PCDHGA9: variants seen among roughly 807,000 people sequenced by gnomAD.
PCDHGA9 encodes the protein protocadherin gamma subfamily A, 9, also known as protocadherin gamma-A9.
PCDHGA9 carries 37 observed loss-of-function variants against 62.5 expected under a neutral mutation model. The observed-to-expected ratio is 0.59, with a 90% confidence interval of 0.46 to 0.78. The LOEUF (loss-of-function observed/expected upper bound fraction) is 0.78. Among genes scored for constraint, PCDHGA9 ranks in the 30% least tolerant of loss-of-function variants. PCDHGA9 has a pLI of 0.00. For missense variants in PCDHGA9, 1,138 were observed against 1,166.2 expected, an observed-to-expected ratio of 0.98 and a Z score of 0.35; for synonymous variants, 459 against 484.6, an observed-to-expected ratio of 0.95 and a Z score of 0.69.
chr5:141,509,292 T>A (rs1407798154), intron 3 of PCDHGA9, among the ~76,000 whole-genome samples: 1 of 152,028 alleles, frequency 6.6e-6, no homozygotes, highest in Non-Finnish European at 1.5e-5. Context: ...GGGTCCAGGG[T>A]GGAGGCAGAG....
intron 1 of PCDHGA9, chr5:141,427,995 G>T (rs1292989797): frequency 6.3e-7 from 1 of 1,599,590 alleles, no homozygotes; most frequent in Non-Finnish European, 8.6e-7. Flanking sequence ...CGATGGCTCC[G>T]CACTCTTCGA....
intron 1 of PCDHGA9, among the ~76,000 whole-genome samples, chr5:141,406,975 C>A (rs1434644612): frequency 6.6e-6 from 1 of 152,108 alleles, no homozygotes; most frequent in African/African-American, 2.4e-5. Flanking sequence ...TAGTAAATAA[C>A]ATTTCACAAG....
At chr5:141,408,373 T>C in intron 1 of PCDHGA9, 1 of 1,613,952 alleles carries the variant, frequency 6.2e-7, no homozygotes, top group Non-Finnish European at 8.5e-7. Flanking sequence ...TAGGGCTCAG[T>C]GTCCTGGATG....
rs764536213 is a variant in PCDHGA9, at chr5:141,405,100, G to A, written c.2148G>A (p.Leu716=). 2 of 1,613,924 alleles carry A rather than the reference G, an allele frequency of 1.2e-6. No individual in the cohort carries two copies. Among genetic ancestry groups the A allele is most frequent in the Non-Finnish European group, 1.7e-6 (2 of 1,179,826 alleles). The change falls in exon 1 of 4, where the codon CTG becomes CTA. Residue 716 remains leucine, a synonymous_variant. Transcript: ENST00000573521. The part of the protein sequence containing the change: ...TFVITLLALR[L]RHWHSSHLLR... ...TTATCACGCTGCTGGCCCTCAGGCT[G>A]AGGCACTGGCACTCCTCGCATCTGC...
intron 1 of PCDHGA9, among the ~76,000 whole-genome samples, chr5:141,488,236 T>A (rs1333427955): frequency 6.6e-6 from 1 of 152,154 alleles, no homozygotes; most frequent in Admixed American, 6.5e-5. Context: ...TTGAACTAGA[T>A]GCGGTAAATT....
chr5:141,435,444 A>G (rs1471113812), intron 1 of PCDHGA9, among the ~76,000 whole-genome samples: 1 of 152,216 alleles, frequency 6.6e-6, no homozygotes, highest in East Asian at 1.9e-4. Flanking sequence ...TTTCATTAAT[A>G]CGATATCTGT....
intron 1 of PCDHGA9, among the ~76,000 whole-genome samples, chr5:141,406,071 C>T (rs2094755708): frequency 7.4e-6 from 1 of 134,244 alleles, no homozygotes; most frequent in East Asian, 2.1e-4. Context: ...AATTCTTACT[C>T]CTTTTTTTTT....
Position 141,403,414 on chromosome 5 carries a change from T to C in PCDHGA9, c.462T>C (p.Leu154=), listed in dbSNP as rs373392812. 8.8e-5 allele frequency: 142 copies of C among 1,613,926 alleles called. No homozygotes were observed. The highest frequency in any genetic ancestry group is 1.6e-4 in the Middle Eastern group (1 of 6,084). Residue 154 remains leucine (L), a synonymous_variant, in exon 1 of 4, where the codon CTT becomes CTC. Coordinates refer to ENST00000573521, the MANE Select transcript of PCDHGA9 (RefSeq NM_018921.3). ...CGGTTCCTGGAGCACGTTATCCACTTCCAGAAGCTATTGATCCGGATGTTG... is the reference window on the plus strand; with the variant it reads ...CGGTTCCTGGAGCACGTTATCCACTCCCAGAAGCTATTGATCCGGATGTTG... ...EIAVPGARYP[L]PEAIDPDVGV... is the part of the protein sequence containing the mutation.
At position 141,485,671 on chromosome 5, in the gene PCDHGA9, G is replaced by T; in HGVS notation, c.2425-9136G>T. On this transcript the variant is annotated intron_variant, in intron 1 of 3. Coordinates refer to ENST00000573521, the MANE Select transcript of PCDHGA9 (RefSeq NM_018921.3). This position sits in a 1 kb window ranked among gnomAD's most constrained non-coding sequence, Gnocchi z 5.7. The stretch of plus-strand genomic sequence containing the variant: ...AGGATGCAGATGTGGGGAGCAATTC[G>T]ATTAGCAGCTATAGGCTGAGCTCCA... 6.2e-7 allele frequency: 1 copy of T among 1,612,860 alleles called. No homozygotes were observed. The highest frequency in any genetic ancestry group is 8.5e-7 in the Non-Finnish European group (1 of 1,179,040).
intron 1 of PCDHGA9, chr5:141,418,230 A>T (rs745395585): frequency 6.2e-7 from 1 of 1,614,058 alleles, no homozygotes; most frequent in Non-Finnish European, 8.5e-7. Context: ...GTGGTGATTG[A>T]GGATGTTAAT....
At chr5:141,468,774 G>A (rs1229480462) in intron 1 of PCDHGA9, among the ~76,000 whole-genome samples, 4 of 152,028 alleles carry the variant, frequency 2.6e-5, no homozygotes, top group Non-Finnish European at 4.4e-5. Flanking sequence ...GCTGAGGCAG[G>A]AGAATGGCGT....
At chr5:141,428,185 G>A (rs775261215) in intron 1 of PCDHGA9, 1 of 1,446,348 alleles carries the variant, frequency 6.9e-7, no homozygotes, top group Admixed American at 1.8e-5. Context: ...GAGGACAGCC[G>A]CCGCTCTCTG....
chr5:141,483,501 G>T (rs1022338958), intron 1 of PCDHGA9, among the ~76,000 whole-genome samples: 1 of 150,394 alleles, frequency 6.6e-6, no homozygotes, highest in Non-Finnish European at 1.5e-5. Flanking sequence ...ATGAGTCAAG[G>T]CTGATCCCCC....
intron 1 of PCDHGA9, among the ~76,000 whole-genome samples, chr5:141,452,988 T>C (rs2098753680): frequency 6.6e-6 from 1 of 152,228 alleles, no homozygotes; most frequent in Admixed American, 6.5e-5. Context: ...AGTACTGTGC[T>C]GAAAAGTTAC....
Position 141,487,171 on chromosome 5 carries a change from G to C in PCDHGA9, c.2425-7636G>C. ...CTGTTACTCTCTTAGTGTCCTTAGA[G>C]GAAGACACTCATCCAGTTGTCCCAG... On this transcript the variant is annotated intron_variant, in intron 1 of 3. Transcript: ENST00000573521. The surrounding 1 kb of genome is among the most constrained non-coding windows in gnomAD (Gnocchi z 5.0). 1 of 1,612,938 alleles carries C rather than the reference G, an allele frequency of 6.2e-7. No individual in the cohort carries two copies. Among genetic ancestry groups the C allele is most frequent in the Non-Finnish European group, 8.5e-7 (1 of 1,178,910 alleles).
intron 1 of PCDHGA9, among the ~76,000 whole-genome samples, chr5:141,464,557 C>A (rs1342964264): frequency 6.6e-6 from 1 of 152,132 alleles, no homozygotes; most frequent in Non-Finnish European, 1.5e-5. Context: ...CCCCATCTTG[C>A]ATTCCTACAA....
At chr5:141,459,315 T>C (rs2154566534) in intron 1 of PCDHGA9, among the ~76,000 whole-genome samples, 1 of 152,362 alleles carries the variant, frequency 6.6e-6, no homozygotes, top group East Asian at 1.9e-4. Context: ...CTATTTTGTA[T>C]CCATCTTCTT....
At chr5:141,501,329 ACACAC>A (rs1562200854) in intron 2 of PCDHGA9, among the ~76,000 whole-genome samples, 2 of 148,226 alleles carry the variant, frequency 1.3e-5, no homozygotes, top group Non-Finnish European at 3.0e-5. Flanking sequence ...ACACACACAC[ACACAC>A]CCCAAACTCA....
intron 1 of PCDHGA9, chr5:141,426,685 A>C (rs1342844985): frequency 4.6e-6 from 2 of 432,608 alleles, no homozygotes; most frequent in African/African-American, 2.0e-5. Flanking sequence ...CATTTTCCCC[A>C]AAATAGCATT....
Sources: allele counts gnomAD v4.1 joint callset (sites outside exome capture counted in the v4.1 genomes callset), GRCh38; gene constraint gnomAD v4.1.1; non-coding constraint Gnocchi (gnomAD v3.1); transcripts MANE v1.5; gene names NCBI Gene and HGNC (gene_info 2026-07-23, HGNC 2026-07-21).